FAT3: variants seen among roughly 807,000 people sequenced by gnomAD.
FAT3 encodes the protein FAT atypical cadherin 3.
In FAT3, 95 loss-of-function variants were observed where a neutral mutation model predicts 310.2. The observed-to-expected ratio is 0.31, with a 90% confidence interval of 0.26 to 0.36. The LOEUF (loss-of-function observed/expected upper bound fraction) is 0.36. FAT3 is among the 10% of genes least tolerant of loss of function. The pLI, the probability that FAT3 is intolerant of heterozygous loss-of-function variation, is 1.00. For synonymous variants in FAT3, 2,314 were observed against 2,192.9 expected (o/e 1.06, Z -1.54); for missense variants, 5,408 against 5,715.6 (o/e 0.95, Z 1.74).
At chr11:92,252,663 G>A (rs982989116) in intron 1 of FAT3, among the ~76,000 whole-genome samples, 1 of 151,798 alleles carries the variant, frequency 6.6e-6, no homozygotes. Flanking sequence ...TTCTACTGTT[G>A]TGCCTTGGCC....
At chr11:92,566,746 T>C (rs1465223729) in intron 3 of FAT3, among the ~76,000 whole-genome samples, 1 of 152,032 alleles carries the variant, frequency 6.6e-6, no homozygotes, top group Non-Finnish European at 1.5e-5. Flanking sequence ...TATGTACAAC[T>C]ATCTGATCTT....
At chr11:92,687,981 A>C (rs554589991) in intron 3 of FAT3, among the ~76,000 whole-genome samples, 42 of 151,348 alleles carry the variant, frequency 2.8e-4, no homozygotes, top group African/African-American at 1.0e-3. Context: ...CCAGAGGCTC[A>C]CCTTGAGGCC....
At chr11:92,620,030 G>A (rs1202422238) in intron 3 of FAT3, among the ~76,000 whole-genome samples, 1 of 151,920 alleles carries the variant, frequency 6.6e-6, no homozygotes, top group Non-Finnish European at 1.5e-5. Context: ...AAGTTGTGGG[G>A]TACATCTATG....
chr11:92,437,784 A>G (rs1235360304), intron 2 of FAT3, among the ~76,000 whole-genome samples: 1 of 152,186 alleles, frequency 6.6e-6, no homozygotes, highest in Non-Finnish European at 1.5e-5. Flanking sequence ...GATCTCAAAA[A>G]GCAGTTGAAA....
chr11:92,536,026 T>C (rs1369669095), intron 3 of FAT3, among the ~76,000 whole-genome samples: 2 of 152,214 alleles, frequency 1.3e-5, no homozygotes, highest in South Asian at 2.1e-4. Flanking sequence ...GTTTATCCAT[T>C]GATTGTGAGA....
At chr11:92,576,331 G>A (rs1938484712) in intron 3 of FAT3, among the ~76,000 whole-genome samples, 1 of 152,130 alleles carries the variant, frequency 6.6e-6, no homozygotes, top group South Asian at 2.1e-4. Context: ...GACCTTGACT[G>A]TGTCATTAAA....
At chr11:92,321,808 T>C (rs568432895) in intron 1 of FAT3, among the ~76,000 whole-genome samples, 37 of 152,336 alleles carry the variant, frequency 2.4e-4, no homozygotes, top group African/African-American at 8.2e-4. Context: ...TAAATCTAAA[T>C]GCAACCTTCT....
At chr11:92,683,539 G>A (rs1027904016) in intron 3 of FAT3, among the ~76,000 whole-genome samples, 1 of 152,086 alleles carries the variant, frequency 6.6e-6, no homozygotes, top group African/African-American at 2.4e-5. Context: ...CTGTTGTTAA[G>A]GCTTCACCCC....
intron 1 of FAT3, among the ~76,000 whole-genome samples, chr11:92,245,954 G>A (rs12577025): frequency 0.24 from 35,838 of 152,016 alleles, 4,377 homozygotes; most frequent in East Asian, 0.38. Context: ...CAAAGAATCA[G>A]ATTTTCAAGA....
chr11:92,250,292 A>T (rs186098983), intron 1 of FAT3, among the ~76,000 whole-genome samples: 2 of 152,266 alleles, frequency 1.3e-5, no homozygotes, highest in East Asian at 3.9e-4. Flanking sequence ...ATCTTAAAAC[A>T]TTCATTTCTT....
At chr11:92,614,922 TG>T (rs1341747983) in intron 3 of FAT3, among the ~76,000 whole-genome samples, 15 of 152,232 alleles carry the variant, frequency 9.9e-5, no homozygotes, top group African/African-American at 3.6e-4. Flanking sequence ...CATTTTTTTA[TG>T]GCTATCCAGT....
At chr11:92,632,319 T>C (rs1293986602) in intron 3 of FAT3, among the ~76,000 whole-genome samples, 1 of 152,168 alleles carries the variant, frequency 6.6e-6, no homozygotes, top group African/African-American at 2.4e-5. Flanking sequence ...ATTTTTTATC[T>C]TTCCTGCTGT....
intron 22 of FAT3, among the ~76,000 whole-genome samples, chr11:92,871,991 G>A: frequency 6.6e-6 from 1 of 152,088 alleles, no homozygotes; most frequent in East Asian, 1.9e-4. Context: ...TATAAAGGTG[G>A]AGCTTTGTAC....
intron 3 of FAT3, among the ~76,000 whole-genome samples, chr11:92,623,998 T>A (rs1030356721): frequency 1.3e-5 from 2 of 152,108 alleles, no homozygotes; most frequent in Non-Finnish European, 2.9e-5. Flanking sequence ...TATGAAACTA[T>A]TTTTTTGTGG....
rs1375685366 is a variant in FAT3 at position 92,558,484 on chromosome 11, T to C, written c.3607+33536T>C. Among the ~76,000 whole-genome samples the C allele has an allele frequency of 2.6e-5, 4 of 152,034 alleles. 1 individual carries two copies. Among genetic ancestry groups the C allele is most frequent in the Admixed American group, 2.6e-4 (4 of 15,234 alleles). ...ACCTGCTTTAGTATTGTGATGGTTA[T>C]TTCTAGTAGGAAATAAGGCTGTCCA... On this transcript the variant is annotated intron_variant, in intron 3 of 27. Coordinates refer to ENST00000525166, the MANE Select transcript of FAT3 (RefSeq NM_001367949.2).
At chr11:92,842,918 A>G (rs1017850262) in intron 18 of FAT3, among the ~76,000 whole-genome samples, 11 of 152,134 alleles carry the variant, frequency 7.2e-5, no homozygotes, top group African/African-American at 2.2e-4. Context: ...AAAAATAACA[A>G]TCACATGAAA....
intron 3 of FAT3, among the ~76,000 whole-genome samples, chr11:92,643,207 C>T (rs1229590485): frequency 6.6e-6 from 1 of 152,270 alleles, no homozygotes; most frequent in East Asian, 1.9e-4. Flanking sequence ...CAAATTAATG[C>T]AGATACTGTG....
chr11:92,325,844 A>G (rs1947749265), intron 1 of FAT3, among the ~76,000 whole-genome samples: 1 of 152,086 alleles, frequency 6.6e-6, no homozygotes, highest in Admixed American at 6.6e-5. Context: ...GTTGGCGAGC[A>G]TGGTCTCGAT....
chr11:92,351,760 A>C (rs1228466179), intron 1 of FAT3, among the ~76,000 whole-genome samples: 1 of 152,178 alleles, frequency 6.6e-6, no homozygotes, highest in African/African-American at 2.4e-5. Flanking sequence ...GTCAAAGGTA[A>C]ATGCACTTAA....
Sources: allele counts gnomAD v4.1 joint callset (sites outside exome capture counted in the v4.1 genomes callset), GRCh38; gene constraint gnomAD v4.1.1; transcripts MANE v1.5; gene names NCBI Gene and HGNC (gene_info 2026-07-23, HGNC 2026-07-21).